SPAG1: variants seen among roughly 807,000 people sequenced by gnomAD.
SPAG1 encodes sperm associated antigen 1.
SPAG1 carries 69 observed loss-of-function variants against 100.5 expected under a neutral mutation model. That is an observed-to-expected ratio of 0.69 (90% CI 0.57 to 0.84). The LOEUF is 0.84. SPAG1 is among the 40% of genes least tolerant of loss of function. The probability of loss-of-function intolerance (pLI) is 0.00; values close to 1 mark genes in which losing one functional copy is unlikely to be tolerated. For synonymous variants in SPAG1, 336 were observed against 411.6 expected (o/e 0.82, Z 2.22); for missense variants, 955 against 1,133.1 (o/e 0.84, Z 2.26).
chr8:100,172,814 G>C (rs1815934619), intron 3 of SPAG1, among the ~76,000 whole-genome samples: 1 of 151,932 alleles, frequency 6.6e-6, no homozygotes, highest in Non-Finnish European at 1.5e-5. Context: ...AAACAATGTT[G>C]AGGTATATGT....
intron 15 of SPAG1, 119 bp downstream of exon 15, chr8:100,231,407 G>T: frequency 3.1e-6 from 2 of 655,572 alleles, no homozygotes; most frequent in Non-Finnish European, 4.9e-6. Context: ...ATGGTTCTAA[G>T]AATTTCTATA....
In SPAG1 at chr8:100,239,980, T is replaced by G; in HGVS notation, c.2281-423T>G. ...CTAATACCCCATTTATAGTCTCACA[T>G]TTCCACTAAGAGTAAGAGGCTAATA... On this transcript the variant is annotated intron_variant, in intron 17 of 18. Transcript: ENST00000388798. This position sits in a 1 kb window ranked among gnomAD's most constrained non-coding sequence, Gnocchi z 5.0. 6.6e-6 allele frequency among the ~76,000 whole-genome samples: 1 copy of G among 152,234 alleles called. No individual in the cohort carries two copies. The highest frequency in any genetic ancestry group is 1.9e-4 in the East Asian group (1 of 5,202).
chr8:100,165,194 G>T lies in SPAG1; in HGVS notation c.141-620G>T, dbSNP rs1254610247. 1.0e-5 allele frequency: 5 copies of T among 482,788 alleles called. No homozygotes were observed. The Admixed American group carries it at 1.2e-4, about 12-fold the overall frequency. 29.9% of individuals were successfully genotyped at this position (482,788 alleles called of 1,614,324 possible). A position where few individuals can be genotyped will look rare whatever the true frequency, so the allele number is the denominator to read the frequency against. ...AAAATACCAATATTTATTCTGAAAG[G>T]TAATTGTATGTTCCAAGCAGCCGAT... On this transcript the variant is annotated intron_variant, in intron 2 of 18. Transcript: ENST00000388798.
At chr8:100,237,900 C>G (rs1300345166) in intron 16 of SPAG1, among the ~76,000 whole-genome samples, 2 of 152,176 alleles carry the variant, frequency 1.3e-5, no homozygotes, top group African/African-American at 4.8e-5. Flanking sequence ...GGCTGTGGCT[C>G]ACAGGTCTCT....
At chr8:100,195,675 A>T (rs956275888) in intron 10 of SPAG1, among the ~76,000 whole-genome samples, 6 of 152,232 alleles carry the variant, frequency 3.9e-5, no homozygotes, top group African/African-American at 1.4e-4. Context: ...TATGTCTTAC[A>T]GTTAAAGGAA....
intron 8 of SPAG1, among the ~76,000 whole-genome samples, chr8:100,187,997 C>T (rs536930805): frequency 9.2e-5 from 14 of 152,168 alleles, no homozygotes; most frequent in African/African-American, 3.1e-4. Flanking sequence ...GGACTATAGG[C>T]GTGCACCACC....
Position 100,213,276 on chromosome 8 carries a change from C to A in SPAG1, c.1283C>A (p.Ala428Glu). Residue 428 changes from alanine to glutamate, a missense_variant, in exon 11 of 19, where the codon GCG becomes GAG. Coordinates refer to ENST00000388798, the MANE Select transcript of SPAG1 (RefSeq NM_003114.5). ...SPRRASAAAA[A>E]GGGATGHPGG... is the part of the protein sequence containing the mutation. ...CGGCGGGCCTCTGCGGCGGCGGCGG[C>A]GGGCGGCGGCGCCACCGGGCATCCG... 5.0e-6 allele frequency: 6 copies of A among 1,211,190 alleles called. No individual in the cohort carries two copies. Among genetic ancestry groups the A allele is most frequent in the Non-Finnish European group, 5.1e-6 (5 of 977,426 alleles). 75.0% of individuals were successfully genotyped at this position (1,211,190 alleles called of 1,614,324 possible). A position where few individuals can be genotyped will look rare whatever the true frequency, so the allele number is the denominator to read the frequency against.
intron 13 of SPAG1, among the ~76,000 whole-genome samples, chr8:100,222,977 G>A (rs989142286): frequency 6.6e-6 from 1 of 152,012 alleles, no homozygotes; most frequent in African/African-American, 2.4e-5. Flanking sequence ...CTGTCTCTAC[G>A]GGTTTATCTG....
chr8:100,233,686 T>C, intron 16 of SPAG1, 149 bp downstream of exon 16: 1 of 707,906 alleles, frequency 1.4e-6, no homozygotes, highest in Non-Finnish European at 2.2e-6. Context: ...AAAACCTTGA[T>C]AGAGGCCTCA....
intron 3 of SPAG1, among the ~76,000 whole-genome samples, chr8:100,175,810 C>A (rs2132233656): frequency 6.6e-6 from 1 of 152,272 alleles, no homozygotes; most frequent in South Asian, 2.1e-4. Context: ...GGAACCAATA[C>A]AGAAAAAGTG....
At chr8:100,187,037 TTA>T in intron 7 of SPAG1, 81 bp from the exon 8 acceptor site, 1 of 1,376,922 alleles carries the variant, frequency 7.3e-7, no homozygotes, top group Non-Finnish European at 9.9e-7. Context: ...TATAATTGTT[TTA>T]TGTATAACTG....
chr8:100,202,999 G>A (rs984723951), intron 10 of SPAG1, among the ~76,000 whole-genome samples: 1 of 152,162 alleles, frequency 6.6e-6, no homozygotes, highest in African/African-American at 2.4e-5. Context: ...GGTTAATACT[G>A]AGTGTTAACT....
Position 100,240,631 on chromosome 8 carries a change from T to C in SPAG1, c.2509T>C (p.Leu837=). The change falls in exon 18 of 19, where the codon TTG becomes CTG. Residue 837 remains leucine, a synonymous_variant. Transcript: ENST00000388798. ...TTTAGCCATCACTGCACCAAAAGATTTGCCGATGTTTTTAAGTAACAAACT... is the reference window on the plus strand; with the variant it reads ...TTTAGCCATCACTGCACCAAAAGATCTGCCGATGTTTTTAAGTAACAAACT... ...HLLAITAPKD[L]PMFLSNKLEG... 6.2e-7 allele frequency: 1 copy of C among 1,614,154 alleles called. No individual in the cohort carries two copies. Among genetic ancestry groups the C allele is most frequent in the South Asian group, 1.1e-5 (1 of 91,086 alleles).
chr8:100,184,125 T>C, intron 6 of SPAG1, 63 bp downstream of exon 6: 1 of 722,116 alleles, frequency 1.4e-6, no homozygotes, highest in Non-Finnish European at 2.2e-6. Context: ...ATAAAAAGTG[T>C]CAATCTAGAA....
intron 12 of SPAG1, among the ~76,000 whole-genome samples, chr8:100,214,872 C>A (rs577080810): frequency 6.6e-6 from 1 of 151,140 alleles, no homozygotes; most frequent in Non-Finnish European, 1.5e-5. Flanking sequence ...CTCAGCTACT[C>A]GGGAGGCTGA....
intron 3 of SPAG1, among the ~76,000 whole-genome samples, chr8:100,177,076 T>C (rs1158192542): frequency 2.0e-5 from 3 of 152,144 alleles, no homozygotes; most frequent in Non-Finnish European, 2.9e-5. Context: ...AATTCAGCTT[T>C]TTCTTGTAAT....
intron 16 of SPAG1, among the ~76,000 whole-genome samples, chr8:100,236,984 A>G (rs1465759687): frequency 6.6e-6 from 1 of 152,250 alleles, no homozygotes; most frequent in Non-Finnish European, 1.5e-5. Context: ...ACACGTGATT[A>G]TAATACATCC....
In SPAG1 at chr8:100,194,637, T is replaced by C. The variant is rs2132291485; in HGVS notation, c.1096+369T>C. The C allele has an allele frequency of 7.3e-6, 3 of 409,912 alleles. No individual in the cohort carries two copies. The South Asian group carries it at 2.9e-4, about 39-fold the overall frequency. The allele number at this position is 409,912 out of a possible 1,614,324, so 25.4% of individuals were successfully genotyped here. ...ACAAATGTGTTGGTTTCAAAACAGG[T>C]ATGGGTAGCCCCATTTATATGCCAA... On this transcript the variant is annotated intron_variant, in intron 10 of 18. Coordinates refer to ENST00000388798, the MANE Select transcript of SPAG1 (RefSeq NM_003114.5).
chr8:100,217,705 G>C (rs968532333), intron 12 of SPAG1, among the ~76,000 whole-genome samples: 6 of 152,262 alleles, frequency 3.9e-5, no homozygotes, highest in Non-Finnish European at 8.8e-5. Context: ...ATCTTTTGGT[G>C]ACTTTCCATT....
Sources: gnomAD v4.1 joint callset for allele counts (sites outside exome capture counted in the v4.1 genomes callset) on GRCh38, gnomAD v4.1.1 for gene constraint, Gnocchi (gnomAD v3.1) non-coding constraint, MANE v1.5 for transcripts, NCBI Gene and HGNC (gene_info 2026-07-23, HGNC 2026-07-21) for gene names.